ZMYM5: variants seen among roughly 807,000 people sequenced by gnomAD.
ZMYM5 encodes zinc finger MYM-type containing 5, also known as zinc finger MYM-type protein 5.
ZMYM5 carries 41 observed loss-of-function variants against 61.8 expected under a neutral mutation model. The ratio of observed to expected loss-of-function variants is 0.66; its 90% confidence interval spans 0.52 to 0.86. The LOEUF is 0.86. Among genes scored for constraint, ZMYM5 ranks in the 40% least tolerant of loss-of-function variants. The pLI is 0.00. For missense variants in ZMYM5, 706 were observed against 786.7 expected (o/e 0.90, Z 1.23); for synonymous variants, 257 against 276.4 (o/e 0.93, Z 0.70).
At chr13:19,854,026 T>C (rs1225040413) in intron 2 of ZMYM5, among the ~76,000 whole-genome samples, 2 of 152,204 alleles carry the variant, frequency 1.3e-5, no homozygotes, top group African/African-American at 2.4e-5. Context: ...TGCTTTTTTA[T>C]TGGAGACAGA....
rs1953332328 is a variant in ZMYM5 at position 19,852,126 on chromosome 13, A to G, written c.55T>C (p.Leu19=). 1 of 1,613,032 alleles carries G rather than the reference A, an allele frequency of 6.2e-7. No individual in the cohort carries two copies. Among genetic ancestry groups the G allele is most frequent in the Non-Finnish European group, 8.5e-7 (1 of 1,179,974 alleles). The part of the protein sequence containing the change: ...LELTEQTPAL[L]GNMAMATSLM... ...CTAGTTGCCATGGCCATATTCCCTA[A>G]TAAAGCAGGAGTCTGTTCAGTCAAC... The change falls in exon 3 of 8, where the codon TTA becomes CTA. Residue 19 remains leucine (L), a synonymous_variant. Coordinates refer to ENST00000337963, the MANE Select transcript of ZMYM5 (RefSeq NM_001142684.2).
chr13:19,839,188 T>A (rs1318138317), intron 4 of ZMYM5, among the ~76,000 whole-genome samples: 1 of 152,112 alleles, frequency 6.6e-6, no homozygotes, highest in African/African-American at 2.4e-5. Flanking sequence ...GTGCCAACAA[T>A]AATAATAAAG....
chr13:19,840,987 CTTT>C (rs1202093144), intron 4 of ZMYM5, among the ~76,000 whole-genome samples: 1 of 112,194 alleles, frequency 8.9e-6, no homozygotes, highest in African/African-American at 3.1e-5. Context: ...CACCTGGCCA[CTTT>C]TTACTTTTTT....
Position 19,835,592 on chromosome 13 carries a change from C to T in ZMYM5, c.1136G>A (p.Cys379Tyr), listed in dbSNP as rs773836607. 10 of 1,367,668 alleles carry T rather than the reference C, an allele frequency of 7.3e-6. No individual in the cohort carries two copies. The highest frequency in any genetic ancestry group is 7.8e-6 in the Non-Finnish European group (8 of 1,021,834). 84.7% of individuals were successfully genotyped at this position (1,367,668 alleles called of 1,614,324 possible). ...CATGTACTCTCCACAGTGTTCACAGCAGTTCATTATTAGACCATTGGCCAA... is the reference window on the plus strand; with the variant it reads ...CATGTACTCTCCACAGTGTTCACAGTAGTTCATTATTAGACCATTGGCCAA... ...YRLANGLIMN[C>Y]CEHCGEYMPS... The change falls in exon 7 of 8, where the codon TGC becomes TAC. Residue 379 changes from cysteine (C) to tyrosine (Y), a missense_variant. Around this residue, in one of 2 missense-constraint regions of ZMYM5, gnomAD observed 480 missense variants for 461.7 expected, o/e 1.04. Coordinates refer to ENST00000337963, the MANE Select transcript of ZMYM5 (RefSeq NM_001142684.2).
rs541753025 is a variant in ZMYM5 at position 19,835,189 on chromosome 13, C to T, written c.1251+288G>A. On this transcript the variant is annotated intron_variant, in intron 7 of 7. Coordinates refer to ENST00000337963, the MANE Select transcript of ZMYM5 (RefSeq NM_001142684.2). ...AAAAAATTTTTAGTAGAGATTACGT[C>T]TCACTATGCTGCCCAGGATGGTCTC... is the stretch of plus-strand genomic sequence containing the variant. Among the ~76,000 whole-genome samples the T allele has an allele frequency of 2.6e-5, 4 of 152,152 alleles. No homozygotes were observed. In the East Asian group the frequency reaches 7.7e-4, roughly 29 times the overall value.
chr13:19,835,550 C>T lies in ZMYM5; in HGVS notation c.1178G>A (p.Gly393Glu). The T allele has an allele frequency of 7.3e-7, 1 of 1,367,686 alleles. No individual in the cohort carries two copies. The highest frequency in any genetic ancestry group is 1.1e-5 in the South Asian group (1 of 88,048). The allele number at this position is 1,367,686 out of a possible 1,614,324, so 84.7% of individuals were successfully genotyped here. Residue 393 changes from glycine to glutamate, a missense_variant, in exon 7 of 8, where the codon GGA (glycine) becomes GAA (glutamate). Physicochemically the swap from Gly to Glu is moderately conservative, Grantham distance 98 (BLOSUM62 -2). Around this residue, in one of 2 missense-constraint regions of ZMYM5, gnomAD observed 480 missense variants for 461.7 expected, o/e 1.04. Coordinates refer to ENST00000337963, the MANE Select transcript of ZMYM5 (RefSeq NM_001142684.2). ...ACCTCCAATCACCAGGATGTTGTTT[C>T]CAGTACTCTTACTAGGCATGTACTC... is the stretch of plus-strand genomic sequence containing the variant. ...CGEYMPSKST[G>E]NNILVIGGQQ...
intron 7 of ZMYM5, among the ~76,000 whole-genome samples, chr13:19,828,883 A>G (rs1891061408): frequency 6.6e-6 from 1 of 152,192 alleles, no homozygotes; most frequent in Non-Finnish European, 1.5e-5. Context: ...CAACACAATG[A>G]GTTTGACTTT....
chr13:19,853,457 AT>A (rs538605853), intron 2 of ZMYM5, among the ~76,000 whole-genome samples: 230 of 149,762 alleles, frequency 1.5e-3, no homozygotes, highest in Non-Finnish European at 2.1e-3. Context: ...TCAATTTTCA[AT>A]TTTTTTTTTC....
At chr13:19,831,040 C>T (rs901502502) in intron 7 of ZMYM5, among the ~76,000 whole-genome samples, 41 of 151,688 alleles carry the variant, frequency 2.7e-4, no homozygotes, top group African/African-American at 9.2e-4. Flanking sequence ...AGGGTTTCAC[C>T]GTGTTAGCCA....
intron 6 of ZMYM5, among the ~76,000 whole-genome samples, chr13:19,836,830 A>C (rs1266417985): frequency 6.6e-6 from 1 of 152,160 alleles, no homozygotes; most frequent in Non-Finnish European, 1.5e-5. Flanking sequence ...TTATAAAGTG[A>C]GGACTGCCTG....
chr13:19,852,855 C>T (rs937682441), intron 2 of ZMYM5, among the ~76,000 whole-genome samples: 4 of 152,188 alleles, frequency 2.6e-5, no homozygotes, highest in Admixed American at 6.5e-5. Context: ...TCTAAAAATT[C>T]GTTTTCTTTT....
At chr13:19,838,325 T>C (rs916848794) in intron 5 of ZMYM5, among the ~76,000 whole-genome samples, 4 of 151,852 alleles carry the variant, frequency 2.6e-5, no homozygotes, top group African/African-American at 9.7e-5. Context: ...TTGCAGTGAG[T>C]GGAAATCGTG....
chr13:19,849,750 C>A (rs1180371849), intron 4 of ZMYM5, among the ~76,000 whole-genome samples: 1 of 151,902 alleles, frequency 6.6e-6, no homozygotes, highest in Non-Finnish European at 1.5e-5. Context: ...GAGGCTGAGG[C>A]GGGTGAATCA....
At chr13:19,829,779 T>C (rs1891113087) in intron 7 of ZMYM5, among the ~76,000 whole-genome samples, 1 of 152,164 alleles carries the variant, frequency 6.6e-6, no homozygotes, top group Non-Finnish European at 1.5e-5. Flanking sequence ...CTTTTCTAGC[T>C]GATTCTTCGG....
intron 4 of ZMYM5, among the ~76,000 whole-genome samples, chr13:19,848,312 A>G (rs1252242457): frequency 6.6e-6 from 1 of 151,592 alleles, no homozygotes. Flanking sequence ...ACCGGGTCTC[A>G]CTCTATTACC....
At chr13:19,858,761 T>C (rs759598400) in intron 2 of ZMYM5, among the ~76,000 whole-genome samples, 2 of 152,188 alleles carry the variant, frequency 1.3e-5, no homozygotes, top group East Asian at 1.9e-4. Context: ...CAACCTGAGA[T>C]AGCCAGAGTC....
At position 19,851,361 on chromosome 13, in the gene ZMYM5, TATG is replaced by T; in HGVS notation, c.577_579del (p.His193del). 3.7e-6 allele frequency: 6 copies of T among 1,613,810 alleles called. No individual in the cohort carries two copies. The highest frequency in any genetic ancestry group is 5.1e-6 in the Non-Finnish European group (6 of 1,179,714). Reference sequence around the variant, plus strand: ...AGTATCACTTACTGCTTACCAGGACTATGATGAGTTGCAAATTCTCCATTCTGA... The same window carrying T: ...AGTATCACTTACTGCTTACCAGGACTATGAGTTGCAAATTCTCCATTCTGA... On this transcript the variant is annotated inframe_deletion, in exon 4 of 8. Coordinates refer to ENST00000337963, the MANE Select transcript of ZMYM5 (RefSeq NM_001142684.2).
chr13:19,835,848 G>T (rs995686514), intron 6 of ZMYM5, among the ~76,000 whole-genome samples, 159 bp from the exon 7 acceptor site: 1 of 150,932 alleles, frequency 6.6e-6, no homozygotes, highest in African/African-American at 2.4e-5. Context: ...TTCTGAGATA[G>T]AGTCTCACTC....
In ZMYM5 at chr13:19,824,753, C is replaced by T. The variant is rs201244612; in HGVS notation, c.1734G>A (p.Trp578Ter). The T allele has an allele frequency of 1.7e-5, 23 of 1,360,994 alleles. No individual in the cohort carries two copies. The highest frequency in any genetic ancestry group is 9.8e-7 in the Non-Finnish European group (1 of 1,018,646). The allele number at this position is 1,360,994 out of a possible 1,614,324, so 84.3% of individuals were successfully genotyped here. ...AATCTTTTGAGGTTGAATAAAGTAACCAGGATCTAGTGGTTTTTTCACCAT... is the reference window on the plus strand; with the variant it reads ...AATCTTTTGAGGTTGAATAAAGTAATCAGGATCTAGTGGTTTTTTCACCAT... ...LPNGEKTTRSWLLYSTSKDSV... is the reference protein window; with the variant it reads ...LPNGEKTTRS The change falls in exon 8 of 8, where the codon TGG becomes TGA. Residue 578 changes from tryptophan to a stop codon, truncating the protein, a stop_gained. Transcript: ENST00000337963. LOFTEE classifies it high-confidence loss of function.
Sources: gnomAD v4.1 joint callset for allele counts (sites outside exome capture counted in the v4.1 genomes callset) on GRCh38, gnomAD v4.1.1 for gene constraint, gnomAD v4.1.1 regional missense constraint, MANE v1.5 for transcripts, NCBI Gene and HGNC (gene_info 2026-07-23, HGNC 2026-07-21) for gene names.